The following RD3 variants were observed in gnomAD, a reference collection of about 807,000 sequenced individuals.
RD3 encodes protein RD3.
Under a neutral mutation model 16.9 loss-of-function variants are expected in RD3, and 11 were observed. The observed-to-expected ratio is 0.65, with a 90% CI of 0.41 to 1.08. The LOEUF (loss-of-function observed/expected upper bound fraction) is 1.08, where lower values mean the gene tolerates loss of function less well. RD3 is among the 50% of genes least tolerant of loss of function. The pLI is 0.00. For missense variants in RD3, 274 were observed against 267.4 expected (o/e 1.02, Z -0.17); for synonymous variants, 116 against 114.8 (o/e 1.01, Z -0.07).
chr1:211,483,707 G>C (rs1266929255), intron 1 of RD3, among the ~76,000 whole-genome samples: 1 of 151,984 alleles, frequency 6.6e-6, no homozygotes, highest in African/African-American at 2.4e-5. Context: ...AGGGGTGGGG[G>C]TGTCATGGCC....
At chr1:211,481,521 A>C (rs1186749428) in intron 1 of RD3, 95 bp from the exon 2 acceptor site, 1 of 1,214,904 alleles carries the variant, frequency 8.2e-7, no homozygotes, top group African/African-American at 1.6e-5. Flanking sequence ...GAGAGCTGGG[A>C]CCCAGGAGAG....
chr1:211,479,422 A>C, intron 2 of RD3, 95 bp from the exon 3 acceptor site: 2 of 1,136,768 alleles, frequency 1.8e-6, no homozygotes, highest in Non-Finnish European at 1.2e-6. Flanking sequence ...GTGCATCCTC[A>C]TGGCCAATTA....
At chr1:211,488,591 CAG>C (rs963533745) in intron 1 of RD3, among the ~76,000 whole-genome samples, 1 of 150,416 alleles carries the variant, frequency 6.6e-6, no homozygotes, top group Non-Finnish European at 1.5e-5. Context: ...AGAGAGGAGA[CAG>C]ATGACCAAAT....
In RD3 at chr1:211,481,116, T is replaced by C. The variant is rs1037277258; in HGVS notation, c.296+4A>G. On this transcript the variant is annotated splice_donor_region_variant and intron_variant, in intron 2 of 2. Transcript: ENST00000680073. ...CCAGCAAGGGTCCCCATCCCAGTGCTCACCTGAGGATAGCAGGCCCACAAT... is the reference window on the plus strand; with the variant it reads ...CCAGCAAGGGTCCCCATCCCAGTGCCCACCTGAGGATAGCAGGCCCACAAT... 1.9e-6 allele frequency: 3 copies of C among 1,613,952 alleles called. No homozygotes were observed. Among genetic ancestry groups the C allele is most frequent in the Non-Finnish European group, 2.5e-6 (3 of 1,179,986 alleles).
intron 1 of RD3, among the ~76,000 whole-genome samples, chr1:211,491,431 C>G (rs1705487673): frequency 6.6e-6 from 1 of 152,236 alleles, no homozygotes; most frequent in South Asian, 2.1e-4. Flanking sequence ...CAGAAAGGAA[C>G]CTGCTGGAGC....
Position 211,478,221 on chromosome 1 carries a change from G to A in RD3, c.*815C>T, listed in dbSNP as rs1705183476. The stretch of plus-strand genomic sequence containing the variant: ...CCCATGCGATGACATTGTGGCGTGG[G>A]GTAATGAGTAACCTACCTCCACCCC... On this transcript the variant is annotated 3_prime_UTR_variant, in exon 3 of 3. Coordinates refer to ENST00000680073, the MANE Select transcript of RD3 (RefSeq NM_001164688.2). The A allele has an allele frequency of 2.5e-6, 1 of 398,382 alleles. No individual in the cohort carries two copies. Among genetic ancestry groups the A allele is most frequent in the African/African-American group, 2.1e-5 (1 of 48,568 alleles). 24.7% of individuals were successfully genotyped at this position (398,382 alleles called of 1,614,324 possible).
chr1:211,481,620 A>G (rs979913250), intron 1 of RD3, among the ~76,000 whole-genome samples, 194 bp from the exon 2 acceptor site: 17 of 152,256 alleles, frequency 1.1e-4, no homozygotes, highest in African/African-American at 3.4e-4. Context: ...AAGACAAGAT[A>G]GGGCTGTTGT....
At chr1:211,484,233 C>T (rs558319364) in intron 1 of RD3, among the ~76,000 whole-genome samples, 1 of 152,308 alleles carries the variant, frequency 6.6e-6, no homozygotes, top group South Asian at 2.1e-4. Flanking sequence ...ATCCCTGGGG[C>T]TGGACATGTA....
rs1036348995 is a variant in RD3 at position 211,478,262 on chromosome 1, G to A, written c.*774C>T. ...CCTCCACCCCTAGCTACACTTCTTG[G>A]AGAGCAGCTTAGATTCTCATCCCAC... is the stretch of plus-strand genomic sequence containing the variant. On this transcript the variant is annotated 3_prime_UTR_variant, in exon 3 of 3. Transcript: ENST00000680073. 2.5e-6 allele frequency: 1 copy of A among 398,380 alleles called. No homozygotes were observed. The highest frequency in any genetic ancestry group is 4.4e-6 in the Non-Finnish European group (1 of 226,046). 24.7% of individuals were successfully genotyped at this position (398,380 alleles called of 1,614,324 possible). A position where few individuals can be genotyped will look rare whatever the true frequency, so the allele number is the denominator to read the frequency against.
chr1:211,483,690 G>T (rs1197173721), intron 1 of RD3, among the ~76,000 whole-genome samples: 1 of 151,936 alleles, frequency 6.6e-6, no homozygotes, highest in East Asian at 1.9e-4. Context: ...CTGGGGGGTG[G>T]GAGTGCAGGG....
rs766015590 is a variant in RD3, at chr1:211,479,235, T to A, written c.389A>T (p.Lys130Met). 3 of 1,609,594 alleles carry A rather than the reference T, an allele frequency of 1.9e-6. No individual in the cohort carries two copies. In the East Asian group the frequency reaches 6.7e-5, roughly 36 times the overall value. Residue 130 changes from lysine to methionine, a missense_variant, in exon 3 of 3, where the codon AAG (lysine) becomes ATG (methionine). Lys to Met is a moderately conservative substitution (Grantham distance 95). Coordinates refer to ENST00000680073, the MANE Select transcript of RD3 (RefSeq NM_001164688.2). ...CAGCTTGTGGGCCTCCTCTTCCTGC[T>A]TCATCCTCTCCAGGACCTCCTGCAG... ...SVLQEVLERM[K>M]QEEEAHKLTR...
chr1:211,479,560 A>C (rs6677230), intron 2 of RD3, among the ~76,000 whole-genome samples: 34,018 of 152,170 alleles, frequency 0.22, 4,056 homozygotes, highest in Non-Finnish European at 0.27. Flanking sequence ...CCTCGTCTGT[A>C]ATCTGAGATG....
At chr1:211,479,494 C>T (rs975505696) in intron 2 of RD3, among the ~76,000 whole-genome samples, 167 bp from the exon 3 acceptor site, 1 of 152,232 alleles carries the variant, frequency 6.6e-6, no homozygotes, top group Non-Finnish European at 1.5e-5. Context: ...CTGCTTCAAC[C>T]AATCCTGCGT....
In RD3 at chr1:211,476,879, A is replaced by C. The variant is rs182448832; in HGVS notation, c.*2157T>G. ...CATTCTCTTATCCAGCCTCCTTTGA[A>C]TCTCCCTCCAGGTTAACTACTTCCT... is the stretch of plus-strand genomic sequence containing the variant. On this transcript the variant is annotated 3_prime_UTR_variant, in exon 3 of 3. Transcript: ENST00000680073. 2.0e-5 allele frequency: 3 copies of C among 152,200 alleles called. No homozygotes were observed. The highest frequency in any genetic ancestry group is 4.4e-5 in the Non-Finnish European group (3 of 68,010). The allele number at this position is 152,200 out of a possible 1,614,324, so 9.4% of individuals were successfully genotyped here.
chr1:211,486,967 AC>A (rs1705387045), intron 1 of RD3, among the ~76,000 whole-genome samples: 1 of 152,246 alleles, frequency 6.6e-6, no homozygotes, highest in South Asian at 2.1e-4. Flanking sequence ...AGAAAACATT[AC>A]ATAAATATGT....
At chr1:211,489,122 A>AAGTTACTG (rs1422353809) in intron 1 of RD3, among the ~76,000 whole-genome samples, 1 of 152,184 alleles carries the variant, frequency 6.6e-6, no homozygotes, top group Admixed American at 6.5e-5. Context: ...TACCTATTTC[A>AAGTTACTG]AGTTACTGTG....
At chr1:211,484,078 T>C (rs1410889516) in intron 1 of RD3, among the ~76,000 whole-genome samples, 3 of 152,184 alleles carry the variant, frequency 2.0e-5, no homozygotes, top group Admixed American at 1.3e-4. Context: ...CCGAGGTAGA[T>C]GTGGCCACTC....
intron 2 of RD3, among the ~76,000 whole-genome samples, chr1:211,480,021 C>T (rs1026786608): frequency 6.6e-6 from 1 of 152,196 alleles, no homozygotes; most frequent in African/African-American, 2.4e-5. Flanking sequence ...CCAGCAGTGA[C>T]ATGAGACCGG....
At position 211,477,892 on chromosome 1, in the gene RD3, T is replaced by A; in HGVS notation, c.*1144A>T. 2.6e-6 allele frequency: 1 copy of A among 378,482 alleles called. No individual in the cohort carries two copies. Among genetic ancestry groups the A allele is most frequent in the Non-Finnish European group, 4.7e-6 (1 of 213,806 alleles). The allele number at this position is 378,482 out of a possible 1,614,324, so 23.4% of individuals were successfully genotyped here. Reference sequence around the variant, plus strand: ...CCCCAGAGTGTGTGGGAAGGCCTCCTGGCCTTCCAGATTTTCCATGGGTGA... The same window carrying A: ...CCCCAGAGTGTGTGGGAAGGCCTCCAGGCCTTCCAGATTTTCCATGGGTGA... On this transcript the variant is annotated 3_prime_UTR_variant, in exon 3 of 3. Transcript: ENST00000680073.
Sources: allele counts gnomAD v4.1 joint callset (sites outside exome capture counted in the v4.1 genomes callset), GRCh38; gene constraint gnomAD v4.1.1; transcripts MANE v1.5; gene names NCBI Gene and HGNC (gene_info 2026-07-23, HGNC 2026-07-21).